The following TRDN variants were observed in gnomAD, a reference collection of about 807,000 sequenced individuals.
TRDN encodes the protein triadin.
A neutral mutation model predicts 149.7 loss-of-function variants in TRDN; 161 were observed. The observed-to-expected ratio is 1.08, with a 90% CI of 0.95 to 1.23. The LOEUF is 1.23. Among genes scored for constraint, TRDN ranks in the 50% most tolerant of loss-of-function variants. TRDN has a pLI of 0.00. For synonymous variants in TRDN, 294 were observed against 250.5 expected, an observed-to-expected ratio of 1.17 and a Z score of -1.64; for missense variants, 896 against 823.5, an observed-to-expected ratio of 1.09 and a Z score of -1.08.
chr6:123,422,165 T>A (rs1456281985), intron 12 of TRDN, among the ~76,000 whole-genome samples: 2 of 152,170 alleles, frequency 1.3e-5, no homozygotes, highest in Non-Finnish European at 1.5e-5. Context: ...TCTCATTTTT[T>A]ATAAGAGACC....
At position 123,289,048 on chromosome 6, in the gene TRDN, T is replaced by C. The variant is rs1313869146; in HGVS notation, c.1511-9966A>G. Among the ~76,000 whole-genome samples the C allele has an allele frequency of 2.5e-4, 37 of 146,916 alleles. 1 individual carries two copies. Among genetic ancestry groups the C allele is most frequent in the African/African-American group, 8.2e-4 (33 of 40,258 alleles). ...GTGTGTGTGTGTGTGTATATATATATACACTATATATATATAGTATGTATG... is the reference window on the plus strand; with the variant it reads ...GTGTGTGTGTGTGTGTATATATATACACACTATATATATATAGTATGTATG... On this transcript the variant is annotated intron_variant, in intron 24 of 40. Transcript: ENST00000334268.
intron 1 of TRDN, among the ~76,000 whole-genome samples, chr6:123,607,004 T>G (rs1784556666): frequency 6.6e-6 from 1 of 152,180 alleles, no homozygotes; most frequent in Non-Finnish European, 1.5e-5. Flanking sequence ...AGCCTGAGTT[T>G]TTGCCTTTGC....
intron 1 of TRDN, among the ~76,000 whole-genome samples, chr6:123,597,879 G>A (rs776461022): frequency 1.3e-5 from 2 of 152,076 alleles, no homozygotes; most frequent in African/African-American, 2.4e-5. Context: ...AGTGTGATTT[G>A]TTTTAATGAG....
In TRDN at chr6:123,260,862, T is replaced by C. The variant is rs74897366; in HGVS notation, c.1805-224A>G. Among the ~76,000 whole-genome samples, 1,257 of 151,742 alleles carry C rather than the reference T, an allele frequency of 8.3e-3. 26 individuals carry two copies. Among genetic ancestry groups the C allele is most frequent in the East Asian group, 0.079 (406 of 5,164 alleles). Reference sequence around the variant, plus strand: ...TTTTGAAAATAGAACAAATATTCAATTAATCTAAAATGGTATATTTAAATA... The same window carrying C: ...TTTTGAAAATAGAACAAATATTCAACTAATCTAAAATGGTATATTTAAATA... On this transcript the variant is annotated intron_variant, in intron 33 of 40. Transcript: ENST00000334268.
intron 24 of TRDN, among the ~76,000 whole-genome samples, chr6:123,296,678 G>T (rs983681986): frequency 3.3e-5 from 5 of 151,878 alleles, no homozygotes; most frequent in Non-Finnish European, 5.9e-5. Flanking sequence ...CTCATATAAG[G>T]CAGTCTCATT....
intron 4 of TRDN, among the ~76,000 whole-genome samples, chr6:123,536,115 A>G (rs1247598887): frequency 6.6e-6 from 1 of 152,194 alleles, no homozygotes; most frequent in African/African-American, 2.4e-5. Flanking sequence ...ATATGTTAAA[A>G]TGTAAAACAT....
intron 19 of TRDN, among the ~76,000 whole-genome samples, chr6:123,368,009 A>T (rs1781181138): frequency 6.6e-6 from 1 of 152,118 alleles, no homozygotes; most frequent in Non-Finnish European, 1.5e-5. Context: ...GTCCATCAGC[A>T]GCATTCACTC....
chr6:123,588,985 C>T (rs1783650062), intron 1 of TRDN, among the ~76,000 whole-genome samples: 1 of 152,138 alleles, frequency 6.6e-6, no homozygotes, highest in Non-Finnish European at 1.5e-5. Flanking sequence ...GCACTATGTA[C>T]AGTGGGACAG....
At chr6:123,502,095 T>A (rs1335624753) in intron 8 of TRDN, 1 of 984,440 alleles carries the variant, frequency 1.0e-6, no homozygotes, top group Non-Finnish European at 1.2e-6. Flanking sequence ...AATTAGAATG[T>A]ACTTTGTAGG....
rs141477896 is a variant in TRDN, at chr6:123,341,874, G to A, written c.1370-4205C>T. 1.8e-3 allele frequency among the ~76,000 whole-genome samples: 267 copies of A among 152,094 alleles called. 1 individual carries two copies. Among genetic ancestry groups the A allele is most frequent in the African/African-American group, 6.1e-3 (255 of 41,552 alleles). On this transcript the variant is annotated intron_variant, in intron 21 of 40. Transcript: ENST00000334268. Reference sequence around the variant, plus strand: ...AACAGTGACATATACAAAGGCATAAGAATGTGAAATAACAGCCTTATGCAG... The same window carrying A: ...AACAGTGACATATACAAAGGCATAAAAATGTGAAATAACAGCCTTATGCAG...
chr6:123,508,020 C>T (rs941723933), intron 7 of TRDN, among the ~76,000 whole-genome samples: 1 of 151,384 alleles, frequency 6.6e-6, no homozygotes, highest in African/African-American at 2.4e-5. Flanking sequence ...ACTGTAACTG[C>T]CTCTTCCTCT....
intron 19 of TRDN, among the ~76,000 whole-genome samples, chr6:123,367,707 G>A (rs1781165137): frequency 6.6e-6 from 1 of 152,216 alleles, no homozygotes; most frequent in Non-Finnish European, 1.5e-5. Flanking sequence ...TATTGAAACA[G>A]ATGCTGAGCG....
intron 14 of TRDN, among the ~76,000 whole-genome samples, chr6:123,385,087 C>G (rs376543790): frequency 6.6e-5 from 10 of 152,252 alleles, no homozygotes; most frequent in African/African-American, 2.4e-4. Flanking sequence ...TCATCTGTAG[C>G]AGTGTCTCAA....
At chr6:123,291,025 C>T (rs1777992761) in intron 24 of TRDN, among the ~76,000 whole-genome samples, 7 of 151,836 alleles carry the variant, frequency 4.6e-5, no homozygotes, top group Middle Eastern at 6.8e-3. Flanking sequence ...GACATGGTGG[C>T]ACATATCTGT....
At chr6:123,436,725 G>A (rs183769526) in intron 12 of TRDN, among the ~76,000 whole-genome samples, 23 of 152,026 alleles carry the variant, frequency 1.5e-4, no homozygotes, top group Middle Eastern at 3.4e-3. Context: ...AATCTTCTTC[G>A]TTTAAGCTTA....
intron 24 of TRDN, among the ~76,000 whole-genome samples, chr6:123,283,985 C>CATATATATATGTATATATATAT (rs1777701534): frequency 1.7e-5 from 1 of 57,220 alleles, no homozygotes; most frequent in Non-Finnish European, 3.0e-5. Context: ...CAACATGGCA[C>CATATATATATGTATATATATAT]ATATATATAT....
chr6:123,520,946 G>C (rs1222016931), intron 5 of TRDN, among the ~76,000 whole-genome samples: 1 of 152,162 alleles, frequency 6.6e-6, no homozygotes, highest in African/African-American at 2.4e-5. Flanking sequence ...AGTTTATACA[G>C]TACAGGAAGA....
intron 5 of TRDN, among the ~76,000 whole-genome samples, chr6:123,529,722 G>A (rs1201654008): frequency 6.6e-6 from 1 of 151,868 alleles, no homozygotes; most frequent in Admixed American, 6.6e-5. Flanking sequence ...CTCATTTTCT[G>A]TCTGCATTAT....
At chr6:123,289,683 G>A (rs930714793) in intron 24 of TRDN, among the ~76,000 whole-genome samples, 8 of 152,136 alleles carry the variant, frequency 5.3e-5, no homozygotes, top group Non-Finnish European at 1.2e-4. Context: ...TAATCTTCAT[G>A]CAATTGAAAG....
Sources: gnomAD v4.1 joint callset for allele counts (sites outside exome capture counted in the v4.1 genomes callset) on GRCh38, gnomAD v4.1.1 for gene constraint, MANE v1.5 for transcripts, NCBI Gene and HGNC (gene_info 2026-07-23, HGNC 2026-07-21) for gene names.